Variants in SNX31 observed in about 807,000 individuals in gnomAD.
The protein encoded by SNX31 is sorting nexin 31, also known as sorting nexin-31.
In SNX31, 58 loss-of-function variants were observed where a neutral mutation model predicts 65.4. That is an observed-to-expected ratio of 0.89 (90% CI 0.72 to 1.10). SNX31 has a LOEUF of 1.10. SNX31 is among the 50% of genes least tolerant of loss of function. The pLI is 0.00. For missense variants in SNX31, 523 were observed against 529.7 expected (o/e 0.99, Z 0.12); for synonymous variants, 181 against 190.1 (o/e 0.95, Z 0.39).
chr8:100,637,016 C>T (rs776158805), intron 2 of SNX31, among the ~76,000 whole-genome samples: 22 of 152,182 alleles, frequency 1.4e-4, no homozygotes, highest in African/African-American at 4.3e-4. Flanking sequence ...CCACCACACC[C>T]GGCCGGGTGA....
At chr8:100,583,651 TC>T (rs1431215841) in intron 12 of SNX31, among the ~76,000 whole-genome samples, 2 of 152,104 alleles carry the variant, frequency 1.3e-5, no homozygotes, top group East Asian at 3.8e-4. Context: ...TTTTACTACC[TC>T]CCCCAACTGT....
chr8:100,650,131 C>T (rs1336410924), upstream of SNX31, among the ~76,000 whole-genome samples: 1 of 152,220 alleles, frequency 6.6e-6, no homozygotes, highest in African/African-American at 2.4e-5. Flanking sequence ...TAGACAGGTG[C>T]ATTCACATAA....
chr8:100,618,297 G>A, intron 4 of SNX31: 1 of 1,526,668 alleles, frequency 6.6e-7, no homozygotes, highest in Non-Finnish European at 8.8e-7. Flanking sequence ...TTTTGATAAA[G>A]TCTGCATCCT....
Position 100,588,488 on chromosome 8 carries a change from C to A in SNX31, c.1092+378G>T, listed in dbSNP as rs1028743437. 6.6e-6 allele frequency among the ~76,000 whole-genome samples: 1 copy of A among 152,224 alleles called. No individual in the cohort carries two copies. The highest frequency in any genetic ancestry group is 6.5e-5 in the Admixed American group (1 of 15,288). On this transcript the variant is annotated intron_variant, in intron 11 of 13. Transcript: ENST00000311812. The surrounding 1 kb of genome is among the most constrained non-coding windows in gnomAD (Gnocchi z 4.8). ...AAAGTTTTATTGGAACATAGCCAGACTCACTTGTTTATATACTGCCTATGG... is the reference window on the plus strand; with the variant it reads ...AAAGTTTTATTGGAACATAGCCAGAATCACTTGTTTATATACTGCCTATGG...
At chr8:100,592,270 T>C (rs1002201777) in intron 10 of SNX31, among the ~76,000 whole-genome samples, 6 of 151,748 alleles carry the variant, frequency 4.0e-5, no homozygotes, top group African/African-American at 1.5e-4. Context: ...AGATGAAAAA[T>C]ACAACACTAG....
chr8:100,615,625 C>G (rs1188381371), intron 5 of SNX31, among the ~76,000 whole-genome samples: 1 of 152,250 alleles, frequency 6.6e-6, no homozygotes, highest in East Asian at 1.9e-4. Context: ...TACACCTAGG[C>G]TAGACGGTAT....
chr8:100,596,570 G>A, intron 10 of SNX31, 69 bp downstream of exon 10: 1 of 1,337,366 alleles, frequency 7.5e-7, no homozygotes, highest in Non-Finnish European at 1.1e-6. Flanking sequence ...TCTCCCTAGT[G>A]TCAACTTTGT....
intron 12 of SNX31, among the ~76,000 whole-genome samples, chr8:100,581,453 A>C (rs930227452): frequency 6.6e-6 from 1 of 151,840 alleles, no homozygotes; most frequent in Admixed American, 6.6e-5. Context: ...CTTCATAAAC[A>C]GAGCACAAGT....
chr8:100,628,859 C>A (rs774539146), intron 4 of SNX31, among the ~76,000 whole-genome samples: 1 of 149,856 alleles, frequency 6.7e-6, no homozygotes, highest in Non-Finnish European at 1.5e-5. Flanking sequence ...TAGTCATGTA[C>A]CCCTTAATGA....
intron 1 of SNX31, among the ~76,000 whole-genome samples, chr8:100,656,640 C>CAA (rs34052612): frequency 0.1 from 4,616 of 44,594 alleles, 988 homozygotes; most frequent in African/African-American, 0.2. Context: ...GACTCTGTCT[C>CAA]AAAAAAAAAA....
At chr8:100,633,224 G>A (rs1269845355) in intron 3 of SNX31, among the ~76,000 whole-genome samples, 2 of 151,774 alleles carry the variant, frequency 1.3e-5, no homozygotes, top group Non-Finnish European at 1.5e-5. Flanking sequence ...CTACCATGCC[G>A]AGCCTAATTG....
At chr8:100,577,432 C>T (rs752045014) in intron 12 of SNX31, among the ~76,000 whole-genome samples, 2 of 152,182 alleles carry the variant, frequency 1.3e-5, no homozygotes, top group East Asian at 3.8e-4. Flanking sequence ...CAAAGCCCAG[C>T]GGGGCTTTGG....
Position 100,645,165 on chromosome 8 carries a change from T to C in SNX31, c.141+4109A>G, listed in dbSNP as rs1819537946. 4.6e-5 allele frequency among the ~76,000 whole-genome samples: 7 copies of C among 152,364 alleles called. No homozygotes were observed. In the South Asian group the frequency reaches 1.4e-3, roughly 32 times the overall value. On this transcript the variant is annotated intron_variant, in intron 2 of 13. Coordinates refer to ENST00000311812, the MANE Select transcript of SNX31 (RefSeq NM_152628.4). ...GAATGCGTGGCATATAACAGAAACT[T>C]AGTAAACATTTCTTAAGCAAATAAT...
upstream of SNX31, among the ~76,000 whole-genome samples, chr8:100,650,337 G>A (rs1027326630): frequency 4.6e-5 from 7 of 152,178 alleles, no homozygotes; most frequent in East Asian, 1.3e-3. Context: ...GGCTGGCTCC[G>A]TTCTTCCCTC....
chr8:100,617,767 C>CAT, intron 4 of SNX31, 37 bp from the exon 5 acceptor site: 5 of 1,285,546 alleles, frequency 3.9e-6, no homozygotes, highest in Non-Finnish European at 5.4e-6. Flanking sequence ...ATTTCCACAC[C>CAT]TTTTTTTTTT....
intron 1 of SNX31, among the ~76,000 whole-genome samples, chr8:100,659,219 A>G (rs1437220777): frequency 5.9e-5 from 9 of 151,858 alleles, no homozygotes; most frequent in African/African-American, 2.2e-4. Context: ...GGTGGTGGGC[A>G]CCTGTAATCC....
intron 4 of SNX31, among the ~76,000 whole-genome samples, chr8:100,628,732 A>G (rs1217225075): frequency 1.2e-4 from 18 of 152,208 alleles, no homozygotes; most frequent in Non-Finnish European, 2.5e-4. Flanking sequence ...CTAAAACTTA[A>G]AGTATAATAA....
At chr8:100,658,426 T>G (rs1385038583) in intron 1 of SNX31, among the ~76,000 whole-genome samples, 1 of 152,230 alleles carries the variant, frequency 6.6e-6, no homozygotes, top group Non-Finnish European at 1.5e-5. Context: ...AGAAACCTAC[T>G]GAGCGACAGT....
rs146486034 is a variant in SNX31, at chr8:100,610,952, C to T, written c.611+1048G>A. 4.3e-4 allele frequency among the ~76,000 whole-genome samples: 65 copies of T among 152,300 alleles called. No homozygotes were observed. The highest frequency in any genetic ancestry group is 1.5e-3 in the African/African-American group (64 of 41,554). On this transcript the variant is annotated intron_variant, in intron 7 of 13. Coordinates refer to ENST00000311812, the MANE Select transcript of SNX31 (RefSeq NM_152628.4). The surrounding 1 kb of genome is among the most constrained non-coding windows in gnomAD (Gnocchi z 4.0). ...GAGCCTAAGGAGCAATCCCCTGCAG[C>T]CACGGTAATAAACACTGGGAGCTGC...
Sources: gnomAD v4.1 joint callset for allele counts (sites outside exome capture counted in the v4.1 genomes callset) on GRCh38, gnomAD v4.1.1 for gene constraint, Gnocchi (gnomAD v3.1) non-coding constraint, MANE v1.5 for transcripts, NCBI Gene and HGNC (gene_info 2026-07-23, HGNC 2026-07-21) for gene names.